The following CNTNAP3B variants were observed in gnomAD, a reference collection of about 807,000 sequenced individuals.
The protein encoded by CNTNAP3B is contactin-associated protein-like 3B.
A neutral mutation model predicts 108.9 loss-of-function variants in CNTNAP3B; 25 were observed. The ratio of observed to expected loss-of-function variants is 0.23; its 90% CI spans 0.17 to 0.32. CNTNAP3B has a LOEUF of 0.32. Among genes scored for constraint, CNTNAP3B ranks in the 10% least tolerant of loss-of-function variants. The pLI is 1.00. For synonymous variants in CNTNAP3B, 103 were observed against 473.4 expected, an observed-to-expected ratio of 0.22 and a Z score of 10.16; for missense variants, 252 against 1,210.4, an observed-to-expected ratio of 0.21 and a Z score of 11.75.
At chr9:41,924,637 T>G (rs1412158762) in intron 15 of CNTNAP3B, among the ~76,000 whole-genome samples, 1 of 93,364 alleles carries the variant, frequency 1.1e-5, no homozygotes, top group African/African-American at 4.7e-5. Context: ...ACTCTTGCTT[T>G]CCTTCCTGCA....
At chr9:42,063,896 T>C (rs567708840) in intron 3 of CNTNAP3B, among the ~76,000 whole-genome samples, 2 of 150,512 alleles carry the variant, frequency 1.3e-5, no homozygotes, top group South Asian at 4.2e-4. Flanking sequence ...CTATTGTTTC[T>C]TTACTAAACT....
chr9:42,062,935 C>T (rs539383464), intron 3 of CNTNAP3B, among the ~76,000 whole-genome samples: 1 of 96,696 alleles, frequency 1.0e-5, no homozygotes, highest in African/African-American at 3.9e-5. Flanking sequence ...ACATTTTTAC[C>T]CACCCACACT....
At chr9:41,925,516 C>T (rs1050418802) in intron 15 of CNTNAP3B, among the ~76,000 whole-genome samples, 28 of 152,276 alleles carry the variant, frequency 1.8e-4, no homozygotes, top group Admixed American at 1.2e-3. Context: ...TGACGTGAAC[C>T]CGGGAGGCGG....
intron 12 of CNTNAP3B, among the ~76,000 whole-genome samples, chr9:41,957,525 C>A (rs1824898060): frequency 7.2e-6 from 1 of 138,546 alleles, no homozygotes; most frequent in Non-Finnish European, 1.5e-5. Context: ...GCCTGGTCTA[C>A]TAATAAGCCC....
rs1292533605 is a variant in CNTNAP3B, at chr9:42,119,712, T to C, written c.85+9298A>G. 1.4e-5 allele frequency among the ~76,000 whole-genome samples: 2 copies of C among 138,638 alleles called. 1 individual carries two copies. Among genetic ancestry groups the C allele is most frequent in the African/African-American group, 5.7e-5 (2 of 34,914 alleles). 91.0% of individuals were successfully genotyped at this position (138,638 alleles called of 152,430 possible). On this transcript the variant is annotated intron_variant, in intron 1 of 23. Coordinates refer to ENST00000377561, the MANE Select transcript of CNTNAP3B (RefSeq NM_001201380.3). ...TGATCTTTGAGAAACCTGACAAAAA[T>C]AAGCAATGGGGAAAGGATTCCCTAT...
intron 9 of CNTNAP3B, among the ~76,000 whole-genome samples, chr9:41,978,812 C>T (rs1825567941): frequency 6.9e-6 from 1 of 144,838 alleles, no homozygotes; most frequent in Admixed American, 6.8e-5. Context: ...TCCCCTCTGC[C>T]ATCAACATGG....
intron 15 of CNTNAP3B, among the ~76,000 whole-genome samples, chr9:41,924,645 GCACACACACACACACACACACACACA>G (rs200851620): frequency 8.9e-5 from 12 of 135,064 alleles, no homozygotes; most frequent in Non-Finnish European, 1.6e-4. Context: ...TTTCCTTCCT[GCACACACACACACACACACACACACA>G]CACACACACA....
At chr9:41,939,768 A>T (rs1250845277) in intron 13 of CNTNAP3B, among the ~76,000 whole-genome samples, 2 of 152,278 alleles carry the variant, frequency 1.3e-5, no homozygotes, top group Non-Finnish European at 2.9e-5. Context: ...AAGTAGTAAA[A>T]ATGTATTTTT....
chr9:41,966,431 CAAATA>C (rs1438706016), intron 10 of CNTNAP3B, among the ~76,000 whole-genome samples: 1 of 152,276 alleles, frequency 6.6e-6, no homozygotes, highest in Non-Finnish European at 1.5e-5. Flanking sequence ...ACATGTAGTA[CAAATA>C]ATAGAGGAAG....
chr9:41,919,358 C>T (rs1230541680), intron 18 of CNTNAP3B, among the ~76,000 whole-genome samples: 2 of 151,772 alleles, frequency 1.3e-5, no homozygotes, highest in Non-Finnish European at 2.9e-5. Flanking sequence ...TCGTGATCCG[C>T]CTGCCTTGGC....
intron 8 of CNTNAP3B, among the ~76,000 whole-genome samples, chr9:41,990,455 C>T (rs1825785208): frequency 7.6e-6 from 1 of 132,090 alleles, no homozygotes; most frequent in South Asian, 2.5e-4. Flanking sequence ...CCAGGACTTG[C>T]CTGATTGTTC....
At chr9:41,933,687 T>C (rs1323663881) in intron 14 of CNTNAP3B, among the ~76,000 whole-genome samples, 2 of 152,274 alleles carry the variant, frequency 1.3e-5, no homozygotes, top group East Asian at 1.9e-4. Context: ...GGATTTTCTA[T>C]GTAGGCAATC....
chr9:41,951,194 T>C (rs1309620439), intron 13 of CNTNAP3B, among the ~76,000 whole-genome samples: 1 of 147,648 alleles, frequency 6.8e-6, no homozygotes, highest in African/African-American at 2.5e-5. Flanking sequence ...ATTCGGGTTC[T>C]CTCTGTTACT....
chr9:41,947,914 A>G (rs1401926939), intron 13 of CNTNAP3B, among the ~76,000 whole-genome samples: 1 of 152,106 alleles, frequency 6.6e-6, no homozygotes, highest in Non-Finnish European at 1.5e-5. Flanking sequence ...CAACTTGACA[A>G]TTCAGATTAA....
chr9:41,924,437 G>A (rs878935785), intron 15 of CNTNAP3B, among the ~76,000 whole-genome samples: 8,967 of 141,312 alleles, frequency 0.063, 1 homozygote, highest in Middle Eastern at 0.12. Flanking sequence ...TCGGTAAGAT[G>A]TGAGAAGAAG....
At chr9:42,087,356 C>A (rs1827724941) in intron 2 of CNTNAP3B, among the ~76,000 whole-genome samples, 1 of 132,744 alleles carries the variant, frequency 7.5e-6, no homozygotes, top group Non-Finnish European at 1.6e-5. Flanking sequence ...CTTTTATGGA[C>A]CCTTTTTTCA....
At chr9:41,966,840 G>A (rs1194013594) in intron 10 of CNTNAP3B, among the ~76,000 whole-genome samples, 108 of 150,696 alleles carry the variant, frequency 7.2e-4, no homozygotes, top group Non-Finnish European at 6.9e-4. Flanking sequence ...GGTGGCGGGC[G>A]CCTGTAGTTC....
At position 42,088,387 on chromosome 9, in the gene CNTNAP3B, G is replaced by T. The variant is rs1362715485; in HGVS notation, c.197-11325C>A. Among the ~76,000 whole-genome samples, 5 of 137,624 alleles carry T rather than the reference G, an allele frequency of 3.6e-5. 1 individual carries two copies. Among genetic ancestry groups the T allele is most frequent in the Non-Finnish European group, 7.7e-5 (5 of 64,602 alleles). The allele number at this position is 137,624 out of a possible 152,430, so 90.3% of individuals were successfully genotyped here. ...GAATCAGACCAGCCAAATATTTCTT[G>T]TTCTCATGTCTAATCTATATTAACA... On this transcript the variant is annotated intron_variant, in intron 2 of 23. Coordinates refer to ENST00000377561, the MANE Select transcript of CNTNAP3B (RefSeq NM_001201380.3).
rs1371332134 is a variant in CNTNAP3B at position 41,966,186 on chromosome 9, C to G, written c.1650-1542G>C. ...GCTGTTCCTCTTCCCCCACATCCTT[C>G]TCCCCCTCCTCCCCTTCCTTCTTAA... On this transcript the variant is annotated intron_variant, in intron 10 of 23. Transcript: ENST00000377561. 5.3e-5 allele frequency among the ~76,000 whole-genome samples: 8 copies of G among 152,294 alleles called. No homozygotes were observed. The South Asian group carries it at 1.7e-3, about 32-fold the overall frequency.
Sources: gnomAD v4.1 joint callset for allele counts (sites outside exome capture counted in the v4.1 genomes callset) on GRCh38, gnomAD v4.1.1 for gene constraint, MANE v1.5 for transcripts, NCBI Gene and HGNC (gene_info 2026-07-23, HGNC 2026-07-21) for gene names.